Variants in COL5A1 observed in about 807,000 individuals in gnomAD.
COL5A1 encodes collagen alpha-1(V) chain.
COL5A1 carries 16 observed loss-of-function variants against 263.7 expected under a neutral mutation model. The ratio of observed to expected loss-of-function variants is 0.06; its 90% CI spans 0.04 to 0.09. The LOEUF is 0.09. Among genes scored for constraint, COL5A1 ranks in the 10% least tolerant of loss-of-function variants. The pLI, the probability that COL5A1 is intolerant of heterozygous loss-of-function variation, is 1.00. For synonymous variants in COL5A1, 1,012 were observed against 1,004.5 expected, an observed-to-expected ratio of 1.01 and a Z score of -0.14; for missense variants, 2,036 against 2,540.5, an observed-to-expected ratio of 0.80 and a Z score of 4.27.
At position 134,742,330 on chromosome 9, in the gene COL5A1, C is replaced by T. The variant is rs1461495541; in HGVS notation, c.1494+3522C>T. Among the ~76,000 whole-genome samples the T allele has an allele frequency of 1.3e-5, 2 of 151,812 alleles. No individual in the cohort carries two copies. Among genetic ancestry groups the T allele is most frequent in the Non-Finnish European group, 2.9e-5 (2 of 67,956 alleles). On this transcript the variant is annotated intron_variant, in intron 11 of 65. Coordinates refer to ENST00000371817, the MANE Select transcript of COL5A1 (RefSeq NM_000093.5). The surrounding 1 kb of genome is among the most constrained non-coding windows in gnomAD (Gnocchi z 4.6). ...TCCAGTGAGGAAGAAAAGGCACAGACCAGGCACGGTTAGACAGCAAGAATT... is the reference window on the plus strand; with the variant it reads ...TCCAGTGAGGAAGAAAAGGCACAGATCAGGCACGGTTAGACAGCAAGAATT...
At chr9:134,749,299 A>G (rs1368956657) in intron 11 of COL5A1, among the ~76,000 whole-genome samples, 1 of 152,246 alleles carries the variant, frequency 6.6e-6, no homozygotes, top group South Asian at 2.1e-4. Flanking sequence ...TGTGTTAGTT[A>G]GTGTGTCCAG....
chr9:134,835,699 C>G (rs1839828678), intron 65 of COL5A1, among the ~76,000 whole-genome samples: 1 of 152,218 alleles, frequency 6.6e-6, no homozygotes, highest in African/African-American at 2.4e-5. Context: ...CTGTTCTGGT[C>G]CCAGACAAGG....
Position 134,755,489 on chromosome 9 carries a change from G to A in COL5A1, c.1827+1163G>A, listed in dbSNP as rs4841928. On this transcript the variant is annotated intron_variant, in intron 16 of 65. Coordinates refer to ENST00000371817, the MANE Select transcript of COL5A1 (RefSeq NM_000093.5). This position sits in a 1 kb window ranked among gnomAD's most constrained non-coding sequence, Gnocchi z 4.1. ...GATCTGCTGCAGAAGAAAAGATGGT[G>A]GTGAGAGAGGGGCTTGGAGCTGAGG... Among the ~76,000 whole-genome samples the A allele has an allele frequency of 0.19, 29,128 of 152,152 alleles. 3,097 individuals carry two copies. Among genetic ancestry groups the A allele is most frequent in the East Asian group, 0.35 (1,784 of 5,154 alleles).
chr9:134,668,545 C>T (rs907624817), intron 1 of COL5A1, among the ~76,000 whole-genome samples: 1 of 149,136 alleles, frequency 6.7e-6, no homozygotes, highest in Admixed American at 6.7e-5. Context: ...TCTTTACCCA[C>T]CCATTCATCC....
At chr9:134,703,660 C>T (rs1351541864) in intron 4 of COL5A1, among the ~76,000 whole-genome samples, 9 of 96,936 alleles carry the variant, frequency 9.3e-5, no homozygotes, top group Non-Finnish European at 1.5e-4. Context: ...TTTTTTGAGA[C>T]GGAGTCTCGC....
At chr9:134,817,492 C>T (rs1044745312) in intron 53 of COL5A1, among the ~76,000 whole-genome samples, 5 of 152,192 alleles carry the variant, frequency 3.3e-5, no homozygotes, top group African/African-American at 4.8e-5. Flanking sequence ...ACACACAACT[C>T]GCGGCGTGCA....
chr9:134,641,863 G>C lies in COL5A1; in HGVS notation c.-325G>C, dbSNP rs1388844921. ...CTCACTCGAGCGGAGCGCCCACGGG[G>C]AGCGGGTCGCGGGGCGGCGGCGGCG... On this transcript the variant is annotated 5_prime_UTR_variant, in exon 1 of 66. Transcript: ENST00000371817. 1.8e-5 allele frequency: 7 copies of C among 389,890 alleles called. No individual in the cohort carries two copies. Among genetic ancestry groups the C allele is most frequent in the African/African-American group, 1.5e-4 (7 of 48,160 alleles). The allele number at this position is 389,890 out of a possible 1,614,324, so 24.2% of individuals were successfully genotyped here. A position where few individuals can be genotyped will look rare whatever the true frequency, so the allele number is the denominator to read the frequency against.
intron 63 of COL5A1, among the ~76,000 whole-genome samples, chr9:134,828,621 C>CATACCACACAGAT: frequency 3.4e-5 from 5 of 145,614 alleles, no homozygotes; most frequent in East Asian, 2.0e-4. Flanking sequence ...ATACACCACA[C>CATACCACACAGAT]ACATACCACA....
chr9:134,820,273 A>G (rs763110136), intron 58 of COL5A1, 50 bp downstream of exon 58: 1 of 1,479,994 alleles, frequency 6.8e-7, no homozygotes, highest in South Asian at 1.1e-5. Context: ...GGCATTTTAG[A>G]TCCCTGGGGC....
In COL5A1 at chr9:134,731,532, G is replaced by A. The variant is rs1421077496; in HGVS notation, c.1201G>A (p.Glu401Lys). The A allele has an allele frequency of 3.7e-6, 6 of 1,614,120 alleles. No individual in the cohort carries two copies. The highest frequency in any genetic ancestry group is 3.3e-5 in the Admixed American group (2 of 60,010). ...PPPGEGADDL[E>K]GEFTEETIRN... Reference sequence around the variant, plus strand: ...TCCAGGGGAAGGTGCGGATGACTTGGAGGGGGAGTTCACTGAGGAAACGAT... The same window carrying A: ...TCCAGGGGAAGGTGCGGATGACTTGAAGGGGGAGTTCACTGAGGAAACGAT... Residue 401 changes from glutamate to lysine, a missense_variant, in exon 8 of 66, where the codon GAG becomes AAG. Glu to Lys is a moderately conservative substitution (Grantham distance 56). This residue lies in a region of COL5A1 where 600 missense variants were observed against 634.5 expected (regional missense o/e 0.95). Transcript: ENST00000371817.
At chr9:134,809,506 T>C (rs1031386756) in intron 43 of COL5A1, among the ~76,000 whole-genome samples, 2 of 152,178 alleles carry the variant, frequency 1.3e-5, no homozygotes, top group African/African-American at 4.8e-5. Flanking sequence ...CTCGAGGGAC[T>C]TAGAAACCAC....
At chr9:134,750,200 C>T (rs546218679) in intron 11 of COL5A1, among the ~76,000 whole-genome samples, 19 of 152,284 alleles carry the variant, frequency 1.2e-4, no homozygotes, top group African/African-American at 4.3e-4. Context: ...GTTCCTGGAG[C>T]GACAAGAGCC....
chr9:134,833,289 T>C (rs1232266798), intron 64 of COL5A1, among the ~76,000 whole-genome samples: 1 of 152,218 alleles, frequency 6.6e-6, no homozygotes, highest in Non-Finnish European at 1.5e-5. Context: ...GTGAGATGCA[T>C]CATGGCTCAG....
At chr9:134,781,941 G>T (rs997724613) in intron 28 of COL5A1, among the ~76,000 whole-genome samples, 1 of 152,188 alleles carries the variant, frequency 6.6e-6, no homozygotes, top group Non-Finnish European at 1.5e-5. Flanking sequence ...TTTGGATCAA[G>T]ATGTAGCCCC....
intron 2 of COL5A1, among the ~76,000 whole-genome samples, chr9:134,695,021 C>T (rs181231978): frequency 8.5e-4 from 130 of 152,270 alleles, no homozygotes; most frequent in African/African-American, 2.6e-3. Context: ...GATGACCAGG[C>T]GAGGCAGTGT....
At position 134,813,731 on chromosome 9, in the gene COL5A1, C is replaced by T. The variant is rs571701210; in HGVS notation, c.3853-252C>T. Among the ~76,000 whole-genome samples the T allele has an allele frequency of 1.1e-3, 162 of 152,374 alleles. 1 individual carries two copies. Among genetic ancestry groups the T allele is most frequent in the South Asian group, 1.7e-3 (8 of 4,834 alleles). On this transcript the variant is annotated intron_variant, in intron 48 of 65. Transcript: ENST00000371817. ...CCTCCACAACCCTTGGAGCAGCGCT[C>T]CGGGAAAGCCTTCACAGACAGTGTT...
chr9:134,764,254 A>AG (rs1177435378), intron 20 of COL5A1, among the ~76,000 whole-genome samples: 1 of 35,746 alleles, frequency 2.8e-5, no homozygotes. Context: ...GTGGCACCAT[A>AG]GGGGGTCCGA....
At chr9:134,772,650 T>G in intron 25 of COL5A1, 140 bp from the exon 26 acceptor site, 3 of 981,282 alleles carry the variant, frequency 3.1e-6, no homozygotes, top group Non-Finnish European at 5.0e-6. Context: ...CCAGCTGCCT[T>G]CGACTTCTGG....
intron 1 of COL5A1, among the ~76,000 whole-genome samples, chr9:134,667,274 G>T (rs764923144): frequency 6.6e-6 from 1 of 152,204 alleles, no homozygotes; most frequent in Non-Finnish European, 1.5e-5. Flanking sequence ...GCCATGCATG[G>T]CACCTGTCCC....
Sources: gnomAD v4.1 joint callset for allele counts (sites outside exome capture counted in the v4.1 genomes callset) on GRCh38, gnomAD v4.1.1 for gene constraint, gnomAD v4.1.1 regional missense constraint, Gnocchi (gnomAD v3.1) non-coding constraint, MANE v1.5 for transcripts, NCBI Gene and HGNC (gene_info 2026-07-23, HGNC 2026-07-21) for gene names.